MACC1: variants seen among roughly 807,000 people sequenced by gnomAD.
MACC1 encodes MET transcriptional regulator MACC1.
A neutral mutation model predicts 70.7 loss-of-function variants in MACC1; 79 were observed. The ratio of observed to expected loss-of-function variants is 1.12; its 90% CI spans 0.93 to 1.35. The LOEUF is 1.35. Ranked by LOEUF, MACC1 falls within the 40% of genes most tolerant of loss-of-function variation. The pLI is 0.00. For missense variants in MACC1, 1,106 were observed against 978.1 expected (o/e 1.13, Z -1.74); for synonymous variants, 361 against 347.2 (o/e 1.04, Z -0.44).
intron 2 of MACC1, among the ~76,000 whole-genome samples, chr7:20,165,485 C>A (rs551504932): frequency 6.6e-6 from 1 of 151,750 alleles, no homozygotes; most frequent in Non-Finnish European, 1.5e-5. Context: ...CCTCACAGTA[C>A]CATCCTAAAT....
intron 1 of MACC1, among the ~76,000 whole-genome samples, chr7:20,171,418 AT>A (rs1222480009): frequency 6.7e-6 from 1 of 149,812 alleles, no homozygotes; most frequent in Non-Finnish European, 1.5e-5. Context: ...CGCCCAGCTA[AT>A]TTTTTTTTAT....
At chr7:20,146,108 G>T (rs1781887132) in intron 6 of MACC1, among the ~76,000 whole-genome samples, 1 of 149,196 alleles carries the variant, frequency 6.7e-6, no homozygotes, top group South Asian at 2.1e-4. Context: ...TTGCAGTGAG[G>T]CAAGATCATG....
rs1205456227 is a variant in MACC1 at position 20,161,781 on chromosome 7, C to G, written c.82G>C (p.Ala28Pro). Reference sequence around the variant, plus strand: ...TTGCAACTTTTTGAGAGTTTTCCAGCTTCCATGTCAATCAAATTTGCTTCA... The same window carrying G: ...TTGCAACTTTTTGAGAGTTTTCCAGGTTCCATGTCAATCAAATTTGCTTCA... ...MSEANLIDME[A>P]GKLSKSCNIT... The change falls in exon 4 of 7, where the codon GCT becomes CCT. Residue 28 changes from alanine to proline, a missense_variant. Coordinates refer to ENST00000400331, the MANE Select transcript of MACC1 (RefSeq NM_182762.4). 3 of 1,612,296 alleles carry G rather than the reference C, an allele frequency of 1.9e-6. No individual in the cohort carries two copies. The highest frequency in any genetic ancestry group is 2.2e-5 in the South Asian group (2 of 91,002).
intron 1 of MACC1, among the ~76,000 whole-genome samples, chr7:20,190,916 T>A (rs936142044): frequency 1.3e-5 from 2 of 152,244 alleles, no homozygotes; most frequent in African/African-American, 4.8e-5. Context: ...ATTGTTACTA[T>A]GTACACAGAG....
Position 20,154,124 on chromosome 7 carries a change from G to A in MACC1, c.2346+69C>T, listed in dbSNP as rs566611689. 2.0e-6 allele frequency: 3 copies of A among 1,518,946 alleles called. No homozygotes were observed. In the South Asian group the frequency reaches 3.5e-5, roughly 18 times the overall value. 94.1% of individuals were successfully genotyped at this position (1,518,946 alleles called of 1,614,324 possible). ...CCAGTGAATCCGTGAATGTGGTATGGGTTTGATTACATTAGTGTTACTTGG... is the reference window on the plus strand; with the variant it reads ...CCAGTGAATCCGTGAATGTGGTATGAGTTTGATTACATTAGTGTTACTTGG... On this transcript the variant is annotated intron_variant, in intron 6 of 6. Transcript: ENST00000400331.
intron 1 of MACC1, among the ~76,000 whole-genome samples, chr7:20,202,769 TC>T (rs1299943603): frequency 6.6e-6 from 1 of 152,194 alleles, no homozygotes; most frequent in Non-Finnish European, 1.5e-5. Flanking sequence ...AGAAATTGAA[TC>T]GTTAATTTTC....
At chr7:20,215,292 T>A (rs1000575646) in intron 1 of MACC1, among the ~76,000 whole-genome samples, 11 of 152,090 alleles carry the variant, frequency 7.2e-5, no homozygotes, top group Non-Finnish European at 5.9e-5. Flanking sequence ...TAGATAAGGA[T>A]CCCCTCAAGG....
intron 6 of MACC1, among the ~76,000 whole-genome samples, chr7:20,143,726 C>T (rs1781844035): frequency 6.6e-6 from 1 of 152,212 alleles, no homozygotes. Context: ...AGAGTAGTGT[C>T]GATAGCTCTT....
chr7:20,203,673 T>C (rs1255234172), intron 1 of MACC1, among the ~76,000 whole-genome samples: 1 of 152,216 alleles, frequency 6.6e-6, no homozygotes, highest in African/African-American at 2.4e-5. Flanking sequence ...ATCCTCTCAG[T>C]GTTCATTCCC....
rs1782488610 is a variant in MACC1 at position 20,180,587 on chromosome 7, G to A, written c.-217-9809C>T. ...GTGCCTGGGCGCAGTGGCCACGCCT[G>A]TAATCCCAGCACTTTGGGAGAACAA... On this transcript the variant is annotated intron_variant, in intron 1 of 6. Coordinates refer to ENST00000400331, the MANE Select transcript of MACC1 (RefSeq NM_182762.4). Among the ~76,000 whole-genome samples, 3 of 152,194 alleles carry A rather than the reference G, an allele frequency of 2.0e-5. No homozygotes were observed. In the South Asian group the frequency reaches 6.2e-4, roughly 31 times the overall value.
At chr7:20,164,023 A>C (rs1042955684) in intron 3 of MACC1, among the ~76,000 whole-genome samples, 1 of 152,112 alleles carries the variant, frequency 6.6e-6, no homozygotes, top group Non-Finnish European at 1.5e-5. Context: ...TGTAAACTCT[A>C]CTTCCTAGGT....
At chr7:20,145,554 T>C (rs1016302195) in intron 6 of MACC1, among the ~76,000 whole-genome samples, 1 of 151,976 alleles carries the variant, frequency 6.6e-6, no homozygotes, top group Non-Finnish European at 1.5e-5. Flanking sequence ...AAAAAAAATT[T>C]TTAAAGTAAT....
intron 1 of MACC1, among the ~76,000 whole-genome samples, chr7:20,216,513 C>T (rs986799545): frequency 6.6e-6 from 1 of 152,064 alleles, no homozygotes; most frequent in Non-Finnish European, 1.5e-5. Context: ...ATTTCTCCTT[C>T]CCCCAAGCCC....
At chr7:20,163,621 A>G (rs565220914) in intron 3 of MACC1, among the ~76,000 whole-genome samples, 1 of 152,354 alleles carries the variant, frequency 6.6e-6, no homozygotes, top group Admixed American at 6.5e-5. Flanking sequence ...GTATGAACAC[A>G]TACTGGTAGT....
chr7:20,176,781 A>G (rs1782399660), intron 1 of MACC1, among the ~76,000 whole-genome samples: 1 of 152,168 alleles, frequency 6.6e-6, no homozygotes, highest in Non-Finnish European at 1.5e-5. Context: ...GCAACAACTT[A>G]GATACATCTC....
chr7:20,159,775 T>C lies in MACC1; in HGVS notation c.586A>G (p.Asn196Asp). The change falls in exon 5 of 7, where the codon AAT becomes GAT. Residue 196 changes from asparagine (N) to aspartate (D), a missense_variant. Physicochemically the swap from Asn to Asp is conservative, Grantham distance 23 (BLOSUM62 1). Coordinates refer to ENST00000400331, the MANE Select transcript of MACC1 (RefSeq NM_182762.4). ...RQLARSCLDL[N>D]TISQSPGWAQ... ...CATCCAGGGCTCTGACTAATTGTAT[T>C]CAAATCAAGGCAGGAGCGGGCCAGC... 1 of 1,614,104 alleles carries C rather than the reference T, an allele frequency of 6.2e-7. No individual in the cohort carries two copies. The highest frequency in any genetic ancestry group is 1.1e-5 in the South Asian group (1 of 91,076).
intron 1 of MACC1, among the ~76,000 whole-genome samples, chr7:20,193,378 A>C (rs573219362): frequency 3.9e-5 from 6 of 152,360 alleles, no homozygotes; most frequent in Non-Finnish European, 7.3e-5. Flanking sequence ...TAATCTTGAA[A>C]GTTTATATAA....
Position 20,159,962 on chromosome 7 carries a change from A to G in MACC1, c.399T>C (p.Asn133=). The change falls in exon 5 of 7, where the codon AAT becomes AAC. Residue 133 remains asparagine, a synonymous_variant. Coordinates refer to ENST00000400331, the MANE Select transcript of MACC1 (RefSeq NM_182762.4). The part of the protein sequence containing the change: ...HQLLRQTSSR[N]SGRSKSVSEL... ...CTGAAACACTTTTAGATCTTCCAGA[A>G]TTTCTTGAGGAAGTCTGCCTAAGTA... The G allele has an allele frequency of 6.2e-7, 1 of 1,614,080 alleles. No individual in the cohort carries two copies. Among genetic ancestry groups the G allele is most frequent in the Admixed American group, 1.7e-5 (1 of 59,986 alleles).
intron 1 of MACC1, among the ~76,000 whole-genome samples, chr7:20,201,247 G>A (rs1003183649): frequency 1.6e-4 from 24 of 152,196 alleles, no homozygotes; most frequent in African/African-American, 5.3e-4. Flanking sequence ...TCCCCCCCAT[G>A]GACTAATTAT....
Sources: gnomAD v4.1 joint callset for allele counts (sites outside exome capture counted in the v4.1 genomes callset) on GRCh38, gnomAD v4.1.1 for gene constraint, MANE v1.5 for transcripts, NCBI Gene and HGNC (gene_info 2026-07-23, HGNC 2026-07-21) for gene names.